CTNNA3: variants seen among roughly 807,000 people sequenced by gnomAD.
CTNNA3 encodes catenin alpha 3.
Under a neutral mutation model 95.7 loss-of-function variants are expected in CTNNA3, and 76 were observed. That is an observed-to-expected ratio of 0.79 (90% CI 0.66 to 0.96). The LOEUF is 0.96. Among genes scored for constraint, CTNNA3 ranks in the 40% least tolerant of loss-of-function variants. The pLI, the probability that CTNNA3 is intolerant of heterozygous loss-of-function variation, is 0.00. For missense variants in CTNNA3, 1,191 were observed against 1,089.8 expected, an observed-to-expected ratio of 1.09 and a Z score of -1.31; for synonymous variants, 431 against 374.4, an observed-to-expected ratio of 1.15 and a Z score of -1.74.
Position 66,745,588 on chromosome 10 carries a change from T to A in CTNNA3, c.1281+20676A>T, listed in dbSNP as rs1029192554. 7.7e-4 allele frequency among the ~76,000 whole-genome samples: 20 copies of A among 26,118 alleles called. No homozygotes were observed. The East Asian group carries it at 0.038, about 50-fold the overall frequency. The allele number at this position is 26,118 out of a possible 152,430, so 17.1% of individuals were successfully genotyped here. Reference sequence around the variant, plus strand: ...CTAATGGTATATAATGCAGACAGCCTTTTTTTTTTTTTTTTTTTTGAGACA... The same window carrying A: ...CTAATGGTATATAATGCAGACAGCCATTTTTTTTTTTTTTTTTTTGAGACA... On this transcript the variant is annotated intron_variant, in intron 9 of 17. Coordinates refer to ENST00000433211, the MANE Select transcript of CTNNA3 (RefSeq NM_013266.4).
intron 7 of CTNNA3, among the ~76,000 whole-genome samples, chr10:66,848,834 A>G (rs1843373561): frequency 6.6e-6 from 1 of 152,168 alleles, no homozygotes; most frequent in African/African-American, 2.4e-5. Context: ...AAAACCACCA[A>G]ATGTAACTAT....
At chr10:67,182,830 A>G (rs938115437) in intron 6 of CTNNA3, among the ~76,000 whole-genome samples, 3 of 152,214 alleles carry the variant, frequency 2.0e-5, no homozygotes, top group African/African-American at 7.2e-5. Context: ...ATGAACTCCA[A>G]CACATTTACA....
chr10:67,100,635 T>A (rs193050966), intron 7 of CTNNA3, among the ~76,000 whole-genome samples: 1 of 151,862 alleles, frequency 6.6e-6, no homozygotes, highest in Non-Finnish European at 1.5e-5. Flanking sequence ...TGTTTACTTA[T>A]GTTTGGAGCT....
chr10:66,388,740 A>G (rs1392859335), intron 11 of CTNNA3, among the ~76,000 whole-genome samples: 1 of 152,164 alleles, frequency 6.6e-6, no homozygotes, highest in East Asian at 1.9e-4. Flanking sequence ...TAAGAATATT[A>G]GAGAAGATGT....
chr10:66,141,556 C>T (rs1422716378), intron 13 of CTNNA3, among the ~76,000 whole-genome samples: 1 of 152,098 alleles, frequency 6.6e-6, no homozygotes, highest in East Asian at 1.9e-4. Flanking sequence ...TGGAGAAAAT[C>T]TCCATCCTAA....
chr10:67,312,064 C>T (rs893175424), intron 5 of CTNNA3, among the ~76,000 whole-genome samples: 1 of 142,376 alleles, frequency 7.0e-6, no homozygotes, highest in East Asian at 2.1e-4. Flanking sequence ...AAAATATATA[C>T]ATTTAAATTA....
intron 9 of CTNNA3, among the ~76,000 whole-genome samples, chr10:66,738,951 T>C (rs1315194244): frequency 1.3e-5 from 2 of 152,202 alleles, no homozygotes; most frequent in African/African-American, 2.4e-5. Flanking sequence ...AAACATGCTG[T>C]ATGGAAGTTG....
rs1855018848 is a variant in CTNNA3 at position 67,050,489 on chromosome 10, G to A, written c.1047+129828C>T. Among the ~76,000 whole-genome samples the A allele has an allele frequency of 3.9e-5, 6 of 152,104 alleles. 1 individual carries two copies. The South Asian group carries it at 1.2e-3, about 32-fold the overall frequency. On this transcript the variant is annotated intron_variant, in intron 7 of 17. Coordinates refer to ENST00000433211, the MANE Select transcript of CTNNA3 (RefSeq NM_013266.4). ...TTCAGCTTAGATTGCAGAACAGACA[G>A]GGAGCTTAAACAGCAGGCTCTGACT...
chr10:66,254,785 C>T (rs905157323), intron 13 of CTNNA3, among the ~76,000 whole-genome samples: 7 of 152,190 alleles, frequency 4.6e-5, no homozygotes, highest in African/African-American at 1.7e-4. Flanking sequence ...GCTGAGGCCA[C>T]TCTTCAGTGG....
At chr10:67,477,476 T>C (rs532404797) in intron 5 of CTNNA3, among the ~76,000 whole-genome samples, 3 of 152,162 alleles carry the variant, frequency 2.0e-5, no homozygotes, top group South Asian at 4.2e-4. Flanking sequence ...GCACTGACCA[T>C]AGCCAGCTTG....
At chr10:66,117,249 C>G in intron 13 of CTNNA3, among the ~76,000 whole-genome samples, 1 of 152,016 alleles carries the variant, frequency 6.6e-6, no homozygotes, top group East Asian at 1.9e-4. Context: ...TTTAAATGTG[C>G]ATTTTATTAA....
At chr10:66,036,137 A>C (rs2079558282) in intron 15 of CTNNA3, among the ~76,000 whole-genome samples, 1 of 152,120 alleles carries the variant, frequency 6.6e-6, no homozygotes, top group Non-Finnish European at 1.5e-5. Flanking sequence ...AAACACCTAA[A>C]GATGTTTTAT....
chr10:67,233,127 C>T (rs185078812), intron 5 of CTNNA3, among the ~76,000 whole-genome samples: 3 of 152,242 alleles, frequency 2.0e-5, no homozygotes, highest in African/African-American at 7.2e-5. Context: ...ACAAAGATAT[C>T]CAGGAATTGA....
chr10:66,273,790 A>G (rs1333506524), intron 13 of CTNNA3, among the ~76,000 whole-genome samples: 1 of 152,176 alleles, frequency 6.6e-6, no homozygotes, highest in Non-Finnish European at 1.5e-5. Flanking sequence ...CAAGAGTTTG[A>G]TCCAGAAAAG....
intron 13 of CTNNA3, among the ~76,000 whole-genome samples, chr10:66,257,982 T>C (rs553293944): frequency 6.6e-6 from 1 of 152,310 alleles, no homozygotes; most frequent in East Asian, 1.9e-4. Context: ...TTGTTTGCTT[T>C]TGAATGGCAA....
chr10:66,455,457 A>G lies in CTNNA3; in HGVS notation c.1531+65160T>C, dbSNP rs546758629. 1.0e-3 allele frequency among the ~76,000 whole-genome samples: 158 copies of G among 152,244 alleles called. 3 individuals carry two copies. Among genetic ancestry groups the G allele is most frequent in the South Asian group, 7.7e-3 (37 of 4,812 alleles). ...CTTATTCCTGGTCTCAACAGGATGA[A>G]GTGAAGAAACCAGCAAGAATCAGTA... On this transcript the variant is annotated intron_variant, in intron 11 of 17. Transcript: ENST00000433211.
In CTNNA3 at chr10:65,920,164, G is replaced by T; in HGVS notation, c.*166C>A. 3.2e-6 allele frequency: 2 copies of T among 617,810 alleles called. No individual in the cohort carries two copies. Among genetic ancestry groups the T allele is most frequent in the Non-Finnish European group, 5.7e-6 (2 of 352,464 alleles). 38.3% of individuals were successfully genotyped at this position (617,810 alleles called of 1,614,324 possible). Reference sequence around the variant, plus strand: ...GACCATACAGAAATGACAGTGATATGATCCCAAATATATATTGCTTTTGTT... The same window carrying T: ...GACCATACAGAAATGACAGTGATATTATCCCAAATATATATTGCTTTTGTT... On this transcript the variant is annotated 3_prime_UTR_variant, in exon 18 of 18. Transcript: ENST00000433211.
At position 66,259,519 on chromosome 10, in the gene CTNNA3, G is replaced by A. The variant is rs556811857; in HGVS notation, c.1884+20951C>T. Among the ~76,000 whole-genome samples the A allele has an allele frequency of 3.3e-5, 5 of 152,138 alleles. No homozygotes were observed. In the South Asian group the frequency reaches 1.0e-3, roughly 32 times the overall value. Reference sequence around the variant, plus strand: ...CCAGAGGCAAAACTTCTTATCTGAGGAATTTAGAAGTAATTCAACCTCCCT... The same window carrying A: ...CCAGAGGCAAAACTTCTTATCTGAGAAATTTAGAAGTAATTCAACCTCCCT... On this transcript the variant is annotated intron_variant, in intron 13 of 17. Coordinates refer to ENST00000433211, the MANE Select transcript of CTNNA3 (RefSeq NM_013266.4).
intron 7 of CTNNA3, among the ~76,000 whole-genome samples, chr10:67,067,825 ACT>A (rs1208418912): frequency 6.6e-6 from 1 of 152,196 alleles, no homozygotes; most frequent in Non-Finnish European, 1.5e-5. Context: ...AATAAGACAT[ACT>A]CTCAGTCTCA....
Sources: gnomAD v4.1 joint callset for allele counts (sites outside exome capture counted in the v4.1 genomes callset) on GRCh38, gnomAD v4.1.1 for gene constraint, MANE v1.5 for transcripts, NCBI Gene and HGNC (gene_info 2026-07-23, HGNC 2026-07-21) for gene names.